Variants in SULF2 observed in about 807,000 individuals in gnomAD.
The protein encoded by SULF2 is extracellular sulfatase Sulf-2.
SULF2 carries 52 observed loss-of-function variants against 107.7 expected under a neutral mutation model. The observed-to-expected ratio is 0.48, with a 90% confidence interval of 0.39 to 0.61. The LOEUF (loss-of-function observed/expected upper bound fraction) is 0.61, where lower values mean the gene tolerates loss of function less well. Ranked by LOEUF, SULF2 falls within the 20% of genes least tolerant of loss-of-function variation. The pLI is 0.00. For missense variants in SULF2, 993 were observed against 1,177.3 expected (o/e 0.84, Z 2.29); for synonymous variants, 460 against 464.3 (o/e 0.99, Z 0.12).
At chr20:47,780,183 A>C (rs2090803283) in intron 1 of SULF2, among the ~76,000 whole-genome samples, 1 of 151,540 alleles carries the variant, frequency 6.6e-6, no homozygotes, top group Non-Finnish European at 1.5e-5. Context: ...CACCTGGCTA[A>C]TGTTTGTATT....
At chr20:47,754,979 G>A (rs769824758) in intron 2 of SULF2, among the ~76,000 whole-genome samples, 5 of 151,950 alleles carry the variant, frequency 3.3e-5, no homozygotes, top group Non-Finnish European at 7.4e-5. Flanking sequence ...TACTACAGGT[G>A]TGTGCCACCA....
At chr20:47,748,824 C>T (rs1222113867) in intron 2 of SULF2, among the ~76,000 whole-genome samples, 1 of 152,192 alleles carries the variant, frequency 6.6e-6, no homozygotes, top group Non-Finnish European at 1.5e-5. Context: ...TCTTGTCCCA[C>T]TGTTGCTAAT....
rs745850673 is a variant in SULF2, at chr20:47,677,185, A to AC, written c.1194-52dup. 1.9e-6 allele frequency: 3 copies of AC among 1,602,240 alleles called. No homozygotes were observed. In the East Asian group the frequency reaches 6.7e-5, roughly 36 times the overall value. ...CTCAGCAACATGAGGGCTTCCCACG[A>AC]CCCCCCGTTCCCCCAGGAGCAGGGA... is the stretch of plus-strand genomic sequence containing the variant. On this transcript the variant is annotated intron_variant, in intron 8 of 20. Transcript: ENST00000688720.
chr20:47,753,344 A>AC (rs1028286770), intron 2 of SULF2, among the ~76,000 whole-genome samples: 3 of 152,152 alleles, frequency 2.0e-5, no homozygotes, highest in Non-Finnish European at 4.4e-5. Context: ...TGTAAGTGGG[A>AC]CCCCCACATC....
At chr20:47,746,990 A>AT (rs1178807850) in intron 2 of SULF2, among the ~76,000 whole-genome samples, 25 of 64,850 alleles carry the variant, frequency 3.9e-4, no homozygotes, top group East Asian at 3.7e-3. Context: ...AATAAAAAAA[A>AT]AAAAATATAT....
chr20:47,673,977 C>A lies in SULF2; in HGVS notation c.1381-1584G>T, dbSNP rs566170405. Among the ~76,000 whole-genome samples the A allele has an allele frequency of 2.0e-5, 3 of 152,364 alleles. No individual in the cohort carries two copies. In the East Asian group the frequency reaches 5.8e-4, roughly 29 times the overall value. On this transcript the variant is annotated intron_variant, in intron 10 of 20. Coordinates refer to ENST00000688720, the MANE Select transcript of SULF2 (RefSeq NM_001387048.1). The stretch of plus-strand genomic sequence containing the variant: ...CCCACTGCCTGCTCCCCGCTCCAAC[C>A]CAACAAACTCAGCTGGGGCACGACT...
chr20:47,737,476 C>T (rs2089764525), intron 2 of SULF2, among the ~76,000 whole-genome samples: 1 of 152,184 alleles, frequency 6.6e-6, no homozygotes, highest in Non-Finnish European at 1.5e-5. Flanking sequence ...TCATGCCAAC[C>T]TGGTGGCAAA....
chr20:47,780,755 T>C (rs969408243), intron 1 of SULF2, among the ~76,000 whole-genome samples: 5 of 152,170 alleles, frequency 3.3e-5, no homozygotes, highest in Admixed American at 6.5e-5. Context: ...GGTTTTGCCA[T>C]GTTGGCCAGG....
chr20:47,759,831 T>C (rs1316594137), intron 1 of SULF2, among the ~76,000 whole-genome samples: 3 of 152,222 alleles, frequency 2.0e-5, no homozygotes, highest in Non-Finnish European at 4.4e-5. Context: ...CACTCTGCAT[T>C]TTATAACCGG....
Position 47,673,786 on chromosome 20 carries a change from C to T in SULF2, c.1381-1393G>A, listed in dbSNP as rs571945135. Among the ~76,000 whole-genome samples, 4 of 152,200 alleles carry T rather than the reference C, an allele frequency of 2.6e-5. No individual in the cohort carries two copies. In the South Asian group the frequency reaches 6.2e-4, roughly 24 times the overall value. On this transcript the variant is annotated intron_variant, in intron 10 of 20. Coordinates refer to ENST00000688720, the MANE Select transcript of SULF2 (RefSeq NM_001387048.1). Reference sequence around the variant, plus strand: ...GGGAGGCTAAAGTGGGCACTGTGACCGGCTATACCCATCTGACTGTCGCCA... The same window carrying T: ...GGGAGGCTAAAGTGGGCACTGTGACTGGCTATACCCATCTGACTGTCGCCA...
Position 47,678,623 on chromosome 20 carries a change from T to G in SULF2, c.1193+53A>C, listed in dbSNP as rs562256229. 1 of 1,605,010 alleles carries G rather than the reference T, an allele frequency of 6.2e-7. No homozygotes were observed. Among genetic ancestry groups the G allele is most frequent in the South Asian group, 1.1e-5 (1 of 90,506 alleles). On this transcript the variant is annotated intron_variant, in intron 8 of 20. Transcript: ENST00000688720. This position sits in a 1 kb window ranked among gnomAD's most constrained non-coding sequence, Gnocchi z 4.5. The stretch of plus-strand genomic sequence containing the variant: ...AGACCCACAGGGTTTTGCTCTGAGT[T>G]CCCGCAGGTCAATGTCCCGGCCCCC...
chr20:47,758,574 C>A (rs867292638), intron 1 of SULF2, among the ~76,000 whole-genome samples: 1 of 152,102 alleles, frequency 6.6e-6, no homozygotes, highest in Non-Finnish European at 1.5e-5. Context: ...CCTCAGTCAC[C>A]CCCCTGGCCC....
intron 2 of SULF2, among the ~76,000 whole-genome samples, chr20:47,746,990 A>ATAT (rs1178807850): frequency 1.1e-4 from 7 of 64,854 alleles, no homozygotes; most frequent in Non-Finnish European, 2.1e-4. Flanking sequence ...AATAAAAAAA[A>ATAT]AAAAATATAT....
At chr20:47,728,638 C>A (rs2089513041) in intron 3 of SULF2, among the ~76,000 whole-genome samples, 1 of 150,290 alleles carries the variant, frequency 6.7e-6, no homozygotes, top group African/African-American at 2.5e-5. Flanking sequence ...TTCCAGGGAG[C>A]TGGCATTTTA....
At chr20:47,664,868 C>T (rs977909555) in intron 14 of SULF2, among the ~76,000 whole-genome samples, 1 of 152,252 alleles carries the variant, frequency 6.6e-6, no homozygotes, top group African/African-American at 2.4e-5. Context: ...CAGGGGACCC[C>T]TAAGCCGGGA....
chr20:47,710,541 CAAT>C (rs1438527935), intron 3 of SULF2, among the ~76,000 whole-genome samples: 2 of 151,820 alleles, frequency 1.3e-5, no homozygotes, highest in Non-Finnish European at 2.9e-5. Context: ...GATGTTCGCA[CAAT>C]GACAGAATCA....
intron 11 of SULF2, among the ~76,000 whole-genome samples, chr20:47,668,453 G>C (rs1263414835): frequency 6.6e-6 from 1 of 152,190 alleles, no homozygotes; most frequent in African/African-American, 2.4e-5. Flanking sequence ...CCATCACTCT[G>C]TGTTCATGTC....
At chr20:47,704,251 C>T (rs2146607415) in intron 3 of SULF2, among the ~76,000 whole-genome samples, 1 of 151,312 alleles carries the variant, frequency 6.6e-6, no homozygotes, top group South Asian at 2.1e-4. Context: ...CTTCATGATC[C>T]TCTTCTGTTT....
intron 20 of SULF2, 138 bp from the exon 21 acceptor site, chr20:47,658,530 T>A (rs2086966859): frequency 4.4e-6 from 4 of 917,080 alleles, no homozygotes; most frequent in African/African-American, 1.6e-5. Flanking sequence ...AGAACGGGAT[T>A]GCCACCACCT....
Sources: gnomAD v4.1 joint callset for allele counts (sites outside exome capture counted in the v4.1 genomes callset) on GRCh38, gnomAD v4.1.1 for gene constraint, Gnocchi (gnomAD v3.1) non-coding constraint, MANE v1.5 for transcripts, NCBI Gene and HGNC (gene_info 2026-07-23, HGNC 2026-07-21) for gene names.